ZXDC: variants seen among roughly 807,000 people sequenced by gnomAD.
ZXDC encodes the protein ZXD family zinc finger C.
A neutral mutation model predicts 63.6 loss-of-function variants in ZXDC; 58 were observed. That is an observed-to-expected ratio of 0.91 (90% CI 0.74 to 1.13). The LOEUF is 1.13. Ranked by LOEUF, ZXDC falls within the 50% of genes most tolerant of loss-of-function variation. The probability of loss-of-function intolerance (pLI) is 0.00; values close to 1 mark genes in which losing one functional copy is unlikely to be tolerated. For missense variants in ZXDC, 1,133 were observed against 1,148.9 expected, an observed-to-expected ratio of 0.99 and a Z score of 0.20; for synonymous variants, 561 against 496.1, an observed-to-expected ratio of 1.13 and a Z score of -1.74.
chr3:126,457,561 G>A, intron 7 of ZXDC: 3 of 985,400 alleles, frequency 3.0e-6, no homozygotes, highest in Non-Finnish European at 3.6e-6. Flanking sequence ...CCTTAGAAGT[G>A]TATGAAGTAT....
intron 7 of ZXDC, among the ~76,000 whole-genome samples, chr3:126,452,744 C>CTTTT (rs34131353): frequency 1.4e-5 from 2 of 143,222 alleles, no homozygotes; most frequent in Non-Finnish European, 3.0e-5. Flanking sequence ...TGCAGTTTTT[C>CTTTT]TTTTTTTTTT....
chr3:126,471,754 CT>C (rs926916784), intron 3 of ZXDC, among the ~76,000 whole-genome samples: 2 of 151,610 alleles, frequency 1.3e-5, no homozygotes, highest in African/African-American at 4.8e-5. Flanking sequence ...GCCAATTTAG[CT>C]TTTTTTAAAA....
intron 8 of ZXDC, chr3:126,439,964 C>T (rs1933615162): frequency 2.2e-6 from 3 of 1,387,436 alleles, no homozygotes; most frequent in Non-Finnish European, 2.8e-6. Context: ...GGCCTGGAAC[C>T]TTCTGCTCTC....
rs1014250916 is a variant in ZXDC at position 126,461,277 on chromosome 3, C to T, written c.2127+258G>A. ...AGGAAAGGAGCACATTACCATGGAGCCACAGGACTCCAAAGGACCTCAGAA... is the reference window on the plus strand; with the variant it reads ...AGGAAAGGAGCACATTACCATGGAGTCACAGGACTCCAAAGGACCTCAGAA... On this transcript the variant is annotated intron_variant, in intron 6 of 9. Coordinates refer to ENST00000389709, the MANE Select transcript of ZXDC (RefSeq NM_025112.5). The T allele has an allele frequency of 5.5e-6, 7 of 1,278,674 alleles. No individual in the cohort carries two copies. In the East Asian group the frequency reaches 2.0e-4, roughly 37 times the overall value. 79.2% of individuals were successfully genotyped at this position (1,278,674 alleles called of 1,614,324 possible).
At position 126,475,059 on chromosome 3, in the gene ZXDC, C is replaced by G; in HGVS notation, c.807G>C (p.Lys269Asn). ...MKGHEQESLFKCEVCAERFPT... is the reference protein window; with the variant it reads ...MKGHEQESLFNCEVCAERFPT... ...GGAAGCGCTCGGCGCACACCTCGCA[C>G]TTGAACAGGCTCTCCTGCTCGTGGC... The change falls in exon 1 of 10, where the codon AAG becomes AAC. Residue 269 changes from lysine (K) to asparagine (N), a missense_variant. Lys to Asn is a moderately conservative substitution (Grantham distance 94, BLOSUM62 0). Transcript: ENST00000389709. 6.2e-7 allele frequency: 1 copy of G among 1,604,540 alleles called. No homozygotes were observed.
intron 9 of ZXDC, among the ~76,000 whole-genome samples, chr3:126,439,197 G>A (rs1933577666): frequency 6.6e-6 from 1 of 152,228 alleles, no homozygotes; most frequent in African/African-American, 2.4e-5. Context: ...AAACACGTAA[G>A]GCAAACTGTT....
At chr3:126,471,256 T>C (rs1020872329) in intron 3 of ZXDC, among the ~76,000 whole-genome samples, 1 of 152,212 alleles carries the variant, frequency 6.6e-6, no homozygotes. Flanking sequence ...CATCAAACAA[T>C]TAATGCTACT....
At chr3:126,458,136 T>C (rs997049547) in intron 7 of ZXDC, among the ~76,000 whole-genome samples, 67 of 152,220 alleles carry the variant, frequency 4.4e-4, no homozygotes, top group African/African-American at 1.6e-3. Context: ...CTGGGACAAC[T>C]GAAAATTTGA....
rs940205373 is a variant in ZXDC, at chr3:126,444,342, C to T, written c.2213-2396G>A. On this transcript the variant is annotated intron_variant, in intron 7 of 9. Coordinates refer to ENST00000389709, the MANE Select transcript of ZXDC (RefSeq NM_025112.5). ...GGTCAGGAGATCGAGACCATCCTGG[C>T]TAACACGGTGAAACCTCGTCTCTAC... Among the ~76,000 whole-genome samples the T allele has an allele frequency of 4.6e-5, 7 of 152,142 alleles. No individual in the cohort carries two copies. In the South Asian group the frequency reaches 1.4e-3, roughly 32 times the overall value.
intron 7 of ZXDC, among the ~76,000 whole-genome samples, chr3:126,448,194 G>C (rs1036218281): frequency 1.3e-5 from 2 of 152,254 alleles, no homozygotes; most frequent in Non-Finnish European, 2.9e-5. Flanking sequence ...TCAAGTTTTA[G>C]AACCAGGGTA....
rs1933698022 is a variant in ZXDC, at chr3:126,441,956, A to G, written c.2213-10T>C. The G allele has an allele frequency of 6.3e-7, 1 of 1,583,276 alleles. No individual in the cohort carries two copies. Among genetic ancestry groups the G allele is most frequent in the Non-Finnish European group, 8.6e-7 (1 of 1,163,140 alleles). ...GTAGACTGTGAGGCTCCTAAAATGAAATATAAAAACGAGCACACCCAATCT... is the reference window on the plus strand; with the variant it reads ...GTAGACTGTGAGGCTCCTAAAATGAGATATAAAAACGAGCACACCCAATCT... On this transcript the variant is annotated splice_polypyrimidine_tract_variant and intron_variant, in intron 7 of 9. Coordinates refer to ENST00000389709, the MANE Select transcript of ZXDC (RefSeq NM_025112.5).
intron 7 of ZXDC, chr3:126,451,962 C>T (rs1167829154): frequency 3.0e-6 from 3 of 985,324 alleles, no homozygotes; most frequent in Non-Finnish European, 3.6e-6. Flanking sequence ...AGGCTGCCCC[C>T]ACAGCTCTTC....
rs769697162 is a variant in ZXDC, at chr3:126,438,400, G to T, written c.2552C>A (p.Thr851Asn). 3.7e-6 allele frequency: 6 copies of T among 1,613,596 alleles called. No homozygotes were observed. In the East Asian group the frequency reaches 1.3e-4, roughly 36 times the overall value. ...TCACTGCAGATCCTGCAGGTTGATA[G>T]TGCTTCCTGGGAACTGGGTGGCCTC... ...GPEATQFPGS[T>N]INLQDLQ The change falls in exon 10 of 10, where the codon ACT becomes AAT. Residue 851 changes from threonine (T) to asparagine (N), a missense_variant. Thr to Asn is a moderately conservative substitution (Grantham distance 65). Coordinates refer to ENST00000389709, the MANE Select transcript of ZXDC (RefSeq NM_025112.5).
chr3:126,472,448 G>T, intron 1 of ZXDC, 143 bp from the exon 2 acceptor site: 1 of 1,052,476 alleles, frequency 9.5e-7, no homozygotes. Flanking sequence ...AAAAAGGGAA[G>T]ACCATTAATG....
At chr3:126,457,628 TCA>T in intron 7 of ZXDC, 2 of 985,362 alleles carry the variant, frequency 2.0e-6, no homozygotes, top group South Asian at 4.7e-5. Context: ...GCTAAGAAAC[TCA>T]CACAGATTCA....
intron 4 of ZXDC, among the ~76,000 whole-genome samples, chr3:126,467,013 G>A (rs1368083332): frequency 3.3e-5 from 5 of 152,156 alleles, no homozygotes; most frequent in Admixed American, 2.0e-4. Flanking sequence ...AGCTCTTGGC[G>A]GTCAGAGGCC....
chr3:126,450,241 C>A (rs1466183837), intron 7 of ZXDC: 1 of 429,414 alleles, frequency 2.3e-6, no homozygotes, highest in Non-Finnish European at 4.7e-6. Context: ...AGGGCTCCAA[C>A]CTTGGATGCG....
At chr3:126,458,676 T>C in intron 7 of ZXDC, 1 of 985,484 alleles carries the variant, frequency 1.0e-6, no homozygotes, top group Non-Finnish European at 1.2e-6. Flanking sequence ...TTGTCTCTTT[T>C]TTCTTCAAGA....
Position 126,475,460 on chromosome 3 carries a change from G to A in ZXDC, c.406C>T (p.Leu136=). 2.5e-6 allele frequency: 3 copies of A among 1,206,314 alleles called. No individual in the cohort carries two copies. Among genetic ancestry groups the A allele is most frequent in the Non-Finnish European group, 3.1e-6 (3 of 974,000 alleles). 74.7% of individuals were successfully genotyped at this position (1,206,314 alleles called of 1,614,324 possible). The change falls in exon 1 of 10, where the codon CTG becomes TTG. Residue 136 remains leucine, a synonymous_variant. Transcript: ENST00000389709. ...ACGCCGCGGTCGAGACGCACCAGCA[G>A]GTCCTGGCTGCTGATGGTGACGGCG... is the stretch of plus-strand genomic sequence containing the variant. ...AGAVTISSQD[L]LVRLDRGVLA... is the part of the protein sequence containing the mutation.
Sources: allele counts gnomAD v4.1 joint callset (sites outside exome capture counted in the v4.1 genomes callset), GRCh38; gene constraint gnomAD v4.1.1; transcripts MANE v1.5; gene names NCBI Gene and HGNC (gene_info 2026-07-23, HGNC 2026-07-21).